Variants in DTNBP1 observed in about 807,000 individuals in gnomAD.
The protein encoded by DTNBP1 is dysbindin.
Under a neutral mutation model 42.8 loss-of-function variants are expected in DTNBP1, and 35 were observed. The observed-to-expected ratio is 0.82, with a 90% CI of 0.63 to 1.09. The LOEUF is 1.09. DTNBP1 is among the 50% of genes least tolerant of loss of function. The probability of loss-of-function intolerance (pLI) is 0.00; values close to 1 mark genes in which losing one functional copy is unlikely to be tolerated. For synonymous variants in DTNBP1, 171 were observed against 162.2 expected (o/e 1.05, Z -0.41); for missense variants, 457 against 424.2 (o/e 1.08, Z -0.68).
chr6:15,560,873 G>A (rs558771434), intron 7 of DTNBP1, among the ~76,000 whole-genome samples: 6 of 152,252 alleles, frequency 3.9e-5, no homozygotes, highest in African/African-American at 1.2e-4. Flanking sequence ...GATTCCTTAC[G>A]GAAGAAAGTT....
intron 8 of DTNBP1, 79 bp from the exon 9 acceptor site, chr6:15,524,748 T>C: frequency 6.4e-7 from 1 of 1,572,688 alleles, no homozygotes. Flanking sequence ...GGCATTAGGC[T>C]AACTACATTG....
intron 6 of DTNBP1, among the ~76,000 whole-genome samples, chr6:15,610,242 A>C (rs1346003210): frequency 6.6e-6 from 1 of 152,156 alleles, no homozygotes. Context: ...TGGTGCCTTC[A>C]ATTCCTGAGC....
At chr6:15,650,622 C>T (rs905415095) in intron 3 of DTNBP1, among the ~76,000 whole-genome samples, 5 of 152,108 alleles carry the variant, frequency 3.3e-5, no homozygotes, top group African/African-American at 7.2e-5. Context: ...AGACTGACAA[C>T]GTTGAGCATC....
chr6:15,527,434 A>G (rs895081491), intron 8 of DTNBP1, among the ~76,000 whole-genome samples: 8 of 152,242 alleles, frequency 5.3e-5, no homozygotes. Context: ...AAACATTTAT[A>G]AACAGTTCAC....
At chr6:15,531,152 G>A (rs545594555) in intron 8 of DTNBP1, among the ~76,000 whole-genome samples, 6 of 152,164 alleles carry the variant, frequency 3.9e-5, no homozygotes, top group African/African-American at 1.4e-4. Flanking sequence ...GAAACCGATC[G>A]CGCCAGCATG....
chr6:15,658,518 TAGC>T (rs949611700), intron 1 of DTNBP1, among the ~76,000 whole-genome samples: 3 of 152,090 alleles, frequency 2.0e-5, no homozygotes, highest in African/African-American at 7.2e-5. Flanking sequence ...GCTGCAACAA[TAGC>T]AGGTTTTTTT....
intron 8 of DTNBP1, among the ~76,000 whole-genome samples, chr6:15,530,200 T>G (rs973616444): frequency 6.6e-6 from 1 of 152,244 alleles, no homozygotes; most frequent in African/African-American, 2.4e-5. Flanking sequence ...TACTAATCCT[T>G]GGAGATGAAG....
At position 15,662,965 on chromosome 6, in the gene DTNBP1, G is replaced by GCGCCCCGCACTCCCACTACC; in HGVS notation, c.-116_-97dup. ...GCCGCCAACCCCGCGCTGTCACCGC[G>GCGCCCCGCACTCCCACTACC]CGCCCCGCACTCCCACTACCGGCCC... On this transcript the variant is annotated 5_prime_UTR_variant, in exon 1 of 10. Coordinates refer to ENST00000344537, the MANE Select transcript of DTNBP1 (RefSeq NM_032122.5). 6.4e-7 allele frequency: 1 copy of GCGCCCCGCACTCCCACTACC among 1,553,494 alleles called. No individual in the cohort carries two copies. Among genetic ancestry groups the GCGCCCCGCACTCCCACTACC allele is most frequent in the Non-Finnish European group, 8.7e-7 (1 of 1,143,074 alleles).
At chr6:15,544,380 T>C (rs1273795500) in intron 7 of DTNBP1, among the ~76,000 whole-genome samples, 2 of 152,226 alleles carry the variant, frequency 1.3e-5, no homozygotes, top group African/African-American at 2.4e-5. Context: ...CATTTGTGTA[T>C]GAGTTCCTAC....
At chr6:15,583,220 C>A (rs771842864) in intron 7 of DTNBP1, among the ~76,000 whole-genome samples, 1 of 152,114 alleles carries the variant, frequency 6.6e-6, no homozygotes, top group South Asian at 2.1e-4. Flanking sequence ...TGGTCTCAAG[C>A]GATCCTCCTG....
chr6:15,581,821 A>G (rs1352335485), intron 7 of DTNBP1, among the ~76,000 whole-genome samples: 1 of 152,168 alleles, frequency 6.6e-6, no homozygotes, highest in Non-Finnish European at 1.5e-5. Context: ...AGCATCTGCA[A>G]TAGAGAAGAT....
intron 7 of DTNBP1, chr6:15,586,008 T>G (rs1776066302): frequency 7.9e-7 from 1 of 1,261,610 alleles, no homozygotes; most frequent in South Asian, 3.0e-5. Flanking sequence ...GGGGCTCTAG[T>G]GTGCAAAGAT....
Position 15,523,203 on chromosome 6 carries a change from G to C in DTNBP1, c.828C>G (p.Thr276=). 2 of 1,614,222 alleles carry C rather than the reference G, an allele frequency of 1.2e-6. No individual in the cohort carries two copies. The highest frequency in any genetic ancestry group is 2.2e-5 in the South Asian group (2 of 91,074). Residue 276 remains threonine, a synonymous_variant, in exon 10 of 10, where the codon ACC becomes ACG. Coordinates refer to ENST00000344537, the MANE Select transcript of DTNBP1 (RefSeq NM_032122.5). ...CCTGGAGGGTAATCTCATTCTGACAGGTACTGGATTCAGGCCCTGCAAAAT... is the reference window on the plus strand; with the variant it reads ...CCTGGAGGGTAATCTCATTCTGACACGTACTGGATTCAGGCCCTGCAAAAT... ...LSPALGPESS[T]CQNEITLQVP...
intron 6 of DTNBP1, among the ~76,000 whole-genome samples, chr6:15,602,200 G>A (rs957852550): frequency 3.3e-5 from 5 of 152,084 alleles, no homozygotes; most frequent in African/African-American, 9.7e-5. Flanking sequence ...ATAGTAAAAG[G>A]CAGGCAAGAA....
intron 6 of DTNBP1, among the ~76,000 whole-genome samples, chr6:15,598,844 C>A (rs1776615070): frequency 6.6e-6 from 1 of 152,152 alleles, no homozygotes; most frequent in African/African-American, 2.4e-5. Context: ...TAAAATAAAA[C>A]CTCTTAAAAA....
Position 15,551,365 on chromosome 6 carries a change from C to T in DTNBP1, c.512-17970G>A, listed in dbSNP as rs16876606. ...CCTGTTTTCTACTGGCTACAACAAC[C>T]TTACGCTCAGTAAAGACGTATAAGA... is the stretch of plus-strand genomic sequence containing the variant. On this transcript the variant is annotated intron_variant, in intron 7 of 9. Coordinates refer to ENST00000344537, the MANE Select transcript of DTNBP1 (RefSeq NM_032122.5). 2.6e-3 allele frequency among the ~76,000 whole-genome samples: 400 copies of T among 152,304 alleles called. 3 individuals are homozygous for T. The highest frequency in any genetic ancestry group is 9.3e-3 in the African/African-American group (388 of 41,560).
chr6:15,571,254 A>G (rs1775327096), intron 7 of DTNBP1, among the ~76,000 whole-genome samples: 1 of 152,194 alleles, frequency 6.6e-6, no homozygotes, highest in Non-Finnish European at 1.5e-5. Flanking sequence ...CATATTTAGA[A>G]ACTCTCATAA....
chr6:15,578,061 T>C (rs918800693), intron 7 of DTNBP1, among the ~76,000 whole-genome samples: 2 of 152,152 alleles, frequency 1.3e-5, no homozygotes, highest in African/African-American at 4.8e-5. Flanking sequence ...GCACTGATGG[T>C]GCAGAAGAGA....
chr6:15,533,699 T>C (rs1773034804), intron 7 of DTNBP1: 9 of 533,108 alleles, frequency 1.7e-5, no homozygotes, highest in Non-Finnish European at 3.2e-5. Context: ...CTGTTCACCT[T>C]CCAAGACCAG....
Sources: gnomAD v4.1 joint callset for allele counts (sites outside exome capture counted in the v4.1 genomes callset) on GRCh38, gnomAD v4.1.1 for gene constraint, MANE v1.5 for transcripts, NCBI Gene and HGNC (gene_info 2026-07-23, HGNC 2026-07-21) for gene names.